The following DMD variants were observed in gnomAD, a reference collection of about 807,000 sequenced individuals.
DMD encodes dystrophin.
Under a neutral mutation model 330.1 loss-of-function variants are expected in DMD, and 63 were observed. The observed-to-expected ratio is 0.19, with a 90% CI of 0.16 to 0.24. The LOEUF (loss-of-function observed/expected upper bound fraction) is 0.24. Ranked by LOEUF, DMD falls within the 10% of genes least tolerant of loss-of-function variation. The pLI, the probability that DMD is intolerant of heterozygous loss-of-function variation, is 1.00. For synonymous variants in DMD, 1,223 were observed against 959.8 expected, an observed-to-expected ratio of 1.27 and a Z score of -5.07; for missense variants, 3,344 against 2,684.1, an observed-to-expected ratio of 1.25 and a Z score of -5.43.
intron 9 of DMD, among the ~76,000 whole-genome samples, chrX:32,687,922 C>T (rs755202586): frequency 4.5e-5 from 5 of 110,174 alleles, no homozygotes; most frequent in South Asian, 3.9e-4. Context: ...AGTTGTAACA[C>T]GAATTCTTAC....
Position 32,310,131 on chromosome X carries a change from A to C in DMD, c.6068T>G (p.Leu2023Arg), listed in dbSNP as rs1060502662. 12 of 1,207,714 alleles carry C rather than the reference A, an allele frequency of 9.9e-6. No individual in the cohort carries two copies. The highest frequency in any genetic ancestry group is 1.2e-5 in the Non-Finnish European group (11 of 893,591). The change falls in exon 42 of 79, where the codon CTC becomes CGC. Residue 2023 changes from leucine (L) to arginine (R), a missense_variant. Transcript: ENST00000357033. ...EVEQLLNAPD[L>R]CAKDFEDLFK... ...GAGATCTTCAAAGTCCTTAGCACAGAGGTCAGGAGCATTGAGAAGTTGTTC... is the reference window on the plus strand; with the variant it reads ...GAGATCTTCAAAGTCCTTAGCACAGCGGTCAGGAGCATTGAGAAGTTGTTC...
At chrX:31,654,945 G>A (rs1417768690) in intron 54 of DMD, among the ~76,000 whole-genome samples, 1 of 111,397 alleles carries the variant, frequency 9.0e-6, no homozygotes, top group African/African-American at 3.3e-5. Context: ...AAAAGAAAAT[G>A]TATAAATAGA....
chrX:32,959,866 C>T (rs2091806152), intron 2 of DMD, among the ~76,000 whole-genome samples: 1 of 111,914 alleles, frequency 8.9e-6, no homozygotes, highest in South Asian at 3.8e-4. Context: ...CATCCGTGTT[C>T]TGTTCCAGGA....
In DMD at chrX:32,390,214, C is replaced by A. The variant is rs781176788; in HGVS notation, c.4234-33G>T. On this transcript the variant is annotated intron_variant, in intron 30 of 78. Transcript: ENST00000357033. ...GAGGATAGCATTATTAGTCAGCATG[C>A]TCTACAAAGAACAACTAACTTTCCA... The A allele has an allele frequency of 4.0e-5, 42 of 1,043,044 alleles. No homozygotes were observed. In the Admixed American group the frequency reaches 8.8e-4, roughly 22 times the overall value. The allele number at this position is 1,043,044 out of a possible 1,213,427, so 86.0% of individuals were successfully genotyped here. A position where few individuals can be genotyped will look rare whatever the true frequency, so the allele number is the denominator to read the frequency against.
intron 43 of DMD, among the ~76,000 whole-genome samples, chrX:32,222,123 T>A (rs894269493): frequency 8.9e-6 from 1 of 112,083 alleles, no homozygotes; most frequent in Non-Finnish European, 1.9e-5. Flanking sequence ...GATTTCCAGA[T>A]CAAATGTTAG....
chrX:32,179,564 C>G (rs145661308), intron 44 of DMD, among the ~76,000 whole-genome samples: 4,410 of 111,858 alleles, frequency 0.039, 227 homozygotes, highest in African/African-American at 0.13. Context: ...AAACTTTTGT[C>G]CTGGAGTTAA....
intron 9 of DMD, among the ~76,000 whole-genome samples, chrX:32,647,060 G>A (rs767806498): frequency 9.0e-6 from 1 of 111,395 alleles, no homozygotes; most frequent in East Asian, 2.8e-4. Context: ...TATAAAGGCA[G>A]CCTGAGAGAT....
At chrX:32,383,645 T>C (rs2097939561) in intron 33 of DMD, among the ~76,000 whole-genome samples, 1 of 110,696 alleles carries the variant, frequency 9.0e-6, no homozygotes, top group Admixed American at 9.7e-5. Flanking sequence ...GTGATACTAT[T>C]AAAGTTAAAT....
At chrX:31,663,926 C>T (rs753370050) in intron 53 of DMD, among the ~76,000 whole-genome samples, 1 of 112,056 alleles carries the variant, frequency 8.9e-6, no homozygotes, top group South Asian at 3.7e-4. Context: ...CTGCCATCAT[C>T]GTTCCACTAA....
chrX:32,322,990 G>C (rs1222825461), intron 41 of DMD, among the ~76,000 whole-genome samples: 1 of 112,283 alleles, frequency 8.9e-6, no homozygotes, highest in African/African-American at 3.2e-5. Flanking sequence ...AATTAAAACT[G>C]AAGTACAGTT....
chrX:31,736,513 T>C (rs2086885293), intron 51 of DMD, among the ~76,000 whole-genome samples: 1 of 111,825 alleles, frequency 8.9e-6, no homozygotes, highest in African/African-American at 3.3e-5. Context: ...GTTAGCTGTT[T>C]CCAAGGCTAG....
intron 63 of DMD, among the ~76,000 whole-genome samples, chrX:31,225,189 C>G (rs12845760): frequency 0.13 from 14,124 of 111,820 alleles, 721 homozygotes; most frequent in East Asian, 0.23. Context: ...ACAGTACACT[C>G]TGATGTATGT....
intron 51 of DMD, among the ~76,000 whole-genome samples, chrX:31,753,210 G>A (rs954743829): frequency 8.9e-6 from 1 of 111,817 alleles, no homozygotes; most frequent in Non-Finnish European, 1.9e-5. Flanking sequence ...GAAAAGTAAT[G>A]AACAATGATA....
intron 52 of DMD, among the ~76,000 whole-genome samples, chrX:31,705,881 TA>T (rs1381298506): frequency 9.0e-6 from 1 of 111,231 alleles, no homozygotes; most frequent in Non-Finnish European, 1.9e-5. Flanking sequence ...GCCATGAGGG[TA>T]AAGAACAAGG....
chrX:31,461,666 T>C (rs2066534443), intron 59 of DMD, among the ~76,000 whole-genome samples: 1 of 111,557 alleles, frequency 9.0e-6, no homozygotes, highest in African/African-American at 3.3e-5. Flanking sequence ...CTATTCATGG[T>C]AGGGTGGAGG....
At chrX:32,964,255 C>CAAAAAAAAAAGAAAA in intron 2 of DMD, among the ~76,000 whole-genome samples, 1 of 35,190 alleles carries the variant, frequency 2.8e-5, no homozygotes, top group Non-Finnish European at 5.1e-5. Flanking sequence ...GACTCCATCT[C>CAAAAAAAAAAGAAAA]AAAAAAAAAA....
intron 76 of DMD, among the ~76,000 whole-genome samples, chrX:31,145,662 A>ATTTTT (rs749721258): frequency 1.2e-5 from 1 of 86,320 alleles, no homozygotes; most frequent in African/African-American, 4.6e-5. Context: ...TGGGAACTCT[A>ATTTTT]TTTTTTTTTT....
At chrX:32,612,269 C>T (rs1464052844) in intron 12 of DMD, among the ~76,000 whole-genome samples, 1 of 110,868 alleles carries the variant, frequency 9.0e-6, no homozygotes, top group East Asian at 2.9e-4. Context: ...CTAAGGGCAG[C>T]TCTGGTGGCA....
chrX:32,622,706 C>T (rs1159505977), intron 11 of DMD, among the ~76,000 whole-genome samples: 2 of 111,725 alleles, frequency 1.8e-5, no homozygotes, highest in Non-Finnish European at 3.8e-5. Flanking sequence ...TTATACGCAA[C>T]TCATCTCACT....
Sources: allele counts gnomAD v4.1 joint callset (sites outside exome capture counted in the v4.1 genomes callset), GRCh38; gene constraint gnomAD v4.1.1; transcripts MANE v1.5; gene names NCBI Gene and HGNC (gene_info 2026-07-23, HGNC 2026-07-21).